Variants in WNT5A observed in about 807,000 individuals in gnomAD.
The protein encoded by WNT5A is protein Wnt-5a.
In WNT5A, 9 loss-of-function variants were observed where a neutral mutation model predicts 42.1. The ratio of observed to expected loss-of-function variants is 0.21; its 90% CI spans 0.13 to 0.37. WNT5A has a LOEUF of 0.37. WNT5A is among the 10% of genes least tolerant of loss of function. WNT5A has a pLI of 1.00. For synonymous variants in WNT5A, 210 were observed against 210.0 expected, an observed-to-expected ratio of 1.00 and a Z score of 0.00; for missense variants, 426 against 534.0, an observed-to-expected ratio of 0.80 and a Z score of 1.99.
rs1039347457 is a variant in WNT5A at position 55,466,934 on chromosome 3, C to G, written c.*3158G>C. 1 of 152,344 alleles carries G rather than the reference C, an allele frequency of 6.6e-6. No homozygotes were observed. Among genetic ancestry groups the G allele is most frequent in the African/African-American group, 2.4e-5 (1 of 41,420 alleles). The allele number at this position is 152,344 out of a possible 1,614,324, so 9.4% of individuals were successfully genotyped here. ...AGGTTTCAATATGTTACAAGGTTATCCGGAAAGAGAAAAAGCAAAGGCTAA... is the reference window on the plus strand; with the variant it reads ...AGGTTTCAATATGTTACAAGGTTATGCGGAAAGAGAAAAAGCAAAGGCTAA... On this transcript the variant is annotated 3_prime_UTR_variant, in exon 5 of 5. Coordinates refer to ENST00000264634, the MANE Select transcript of WNT5A (RefSeq NM_003392.7).
At chr3:55,497,624 G>C in the WNT5A span, 1 of 152,196 alleles carries the variant, frequency 6.6e-6, no homozygotes, top group Non-Finnish European at 1.5e-5. Context: ...TAATATCATT[G>C]AGCCTGACTG....
the WNT5A span, among the ~76,000 whole-genome samples, chr3:55,502,135 GA>G: frequency 6.6e-6 from 1 of 152,194 alleles, no homozygotes; most frequent in South Asian, 2.1e-4. Flanking sequence ...GACTCTTGGA[GA>G]AATTCTTCTC....
chr3:55,475,139 A>G (rs1009212514), intron 3 of WNT5A, among the ~76,000 whole-genome samples: 1 of 152,136 alleles, frequency 6.6e-6, no homozygotes, highest in African/African-American at 2.4e-5. Flanking sequence ...GCAGTGCTGG[A>G]TTGATTTTCT....
chr3:55,486,936 G>C, intron 1 of WNT5A, 44 bp downstream of exon 1: 1 of 1,507,894 alleles, frequency 6.6e-7, no homozygotes, highest in Non-Finnish European at 9.2e-7. Context: ...AACAGGGGGT[G>C]GGGGGAAGTA....
intron 4 of WNT5A, among the ~76,000 whole-genome samples, chr3:55,471,078 G>A (rs560305474): frequency 6.0e-4 from 92 of 152,282 alleles, no homozygotes; most frequent in African/African-American, 2.0e-3. Context: ...ATATCCAGCC[G>A]GTAAGTGCAG....
Position 55,479,483 on chromosome 3 carries a change from T to G in WNT5A, c.222A>C (p.Gly74=). ...ACAGTTTCTTCTGTCCTTGAGAAAG[T>G]CCTGCCAGTTGGCTGCAGAGAGGCT... is the stretch of plus-strand genomic sequence containing the variant. ...GAQPLCSQLA[G]LSQGQKKLCH... is the part of the protein sequence containing the mutation. Residue 74 remains glycine (G), a synonymous_variant, in exon 3 of 5, where the codon GGA becomes GGC. Transcript: ENST00000264634. The G allele has an allele frequency of 1.2e-6, 2 of 1,614,028 alleles. No homozygotes were observed. The highest frequency in any genetic ancestry group is 1.7e-5 in the Admixed American group (1 of 60,026).
chr3:55,484,571 C>T (rs1440563307), intron 1 of WNT5A, among the ~76,000 whole-genome samples: 1 of 152,156 alleles, frequency 6.6e-6, no homozygotes, highest in African/African-American at 2.4e-5. Flanking sequence ...ACACTGACAG[C>T]AGGTTCCAGG....
chr3:55,495,209 G>T (rs1486195302), upstream of WNT5A, among the ~76,000 whole-genome samples: 5 of 152,142 alleles, frequency 3.3e-5, no homozygotes, highest in African/African-American at 1.2e-4. Flanking sequence ...TCGAAAATTT[G>T]TAGTCTTAGC....
chr3:55,470,082 G>A lies in WNT5A; in HGVS notation c.*10C>T. ...TCCTGGGAGCGGGGCTGAGTGCTGG[G>A]TGGCACCCACTACTTGCACACAAAC... On this transcript the variant is annotated 3_prime_UTR_variant, in exon 5 of 5. Transcript: ENST00000264634. The A allele has an allele frequency of 6.2e-7, 1 of 1,613,996 alleles. No individual in the cohort carries two copies.
At chr3:55,502,339 A>C in the WNT5A span, among the ~76,000 whole-genome samples, 1 of 152,238 alleles carries the variant, frequency 6.6e-6, no homozygotes, top group Non-Finnish European at 1.5e-5. Context: ...CTAGCTTGCT[A>C]ATGCACAGAC....
At chr3:55,484,504 C>T (rs1483898409) in intron 1 of WNT5A, among the ~76,000 whole-genome samples, 4 of 152,132 alleles carry the variant, frequency 2.6e-5, no homozygotes, top group African/African-American at 7.2e-5. Context: ...ATAGAGAAGG[C>T]GGAGGTTACA....
intron 2 of WNT5A, 111 bp downstream of exon 2, chr3:55,480,674 G>T (rs1301030848): frequency 1.7e-6 from 2 of 1,149,596 alleles, no homozygotes; most frequent in Non-Finnish European, 1.2e-6. Flanking sequence ...CATATGTCTT[G>T]CAATAAATAC....
Position 55,468,656 on chromosome 3 carries a change from A to T in WNT5A, c.*1436T>A, listed in dbSNP as rs1051671717. On this transcript the variant is annotated 3_prime_UTR_variant, in exon 5 of 5. Transcript: ENST00000264634. The stretch of plus-strand genomic sequence containing the variant: ...TATTTATATTTATATATATGTATAT[A>T]TATATATATGTTATGTACAAAAGAC... The T allele has an allele frequency of 8.7e-5, 13 of 149,882 alleles. No individual in the cohort carries two copies. The highest frequency in any genetic ancestry group is 1.6e-4 in the Non-Finnish European group (11 of 67,540). 9.3% of individuals were successfully genotyped at this position (149,882 alleles called of 1,614,324 possible).
chr3:55,499,323 C>T, the WNT5A span, among the ~76,000 whole-genome samples: 2 of 152,064 alleles, frequency 1.3e-5, no homozygotes, highest in African/African-American at 2.4e-5. Flanking sequence ...GTAAAGCAAG[C>T]GGCTTGGGAG....
intron 1 of WNT5A, chr3:55,481,156 G>T: frequency 1.5e-6 from 1 of 664,318 alleles, no homozygotes; most frequent in Non-Finnish European, 2.1e-6. Flanking sequence ...GCACGCCAGC[G>T]ATTACAAACG....
chr3:55,501,253 T>A, the WNT5A span, among the ~76,000 whole-genome samples: 3 of 152,212 alleles, frequency 2.0e-5, no homozygotes, highest in Non-Finnish European at 4.4e-5. Context: ...TAAATGAGAT[T>A]TCTGCAGCTG....
chr3:55,495,141 T>C (rs1391561380), upstream of WNT5A, among the ~76,000 whole-genome samples: 1 of 152,254 alleles, frequency 6.6e-6, no homozygotes, highest in African/African-American at 2.4e-5. Context: ...CTAAATCAAC[T>C]AATTATTATA....
Position 55,468,515 on chromosome 3 carries a change from A to G in WNT5A, c.*1577T>C, listed in dbSNP as rs916768657. The G allele has an allele frequency of 6.6e-6, 1 of 152,166 alleles. No individual in the cohort carries two copies. The highest frequency in any genetic ancestry group is 1.5e-5 in the Non-Finnish European group (1 of 68,040). The allele number at this position is 152,166 out of a possible 1,614,324, so 9.4% of individuals were successfully genotyped here. A position where few individuals can be genotyped will look rare whatever the true frequency, so the allele number is the denominator to read the frequency against. ...CCACAGCCCAAGCTCAAGACTCAAA[A>G]AACTTTTGGAATAATCCCAACTGGA... is the stretch of plus-strand genomic sequence containing the variant. On this transcript the variant is annotated 3_prime_UTR_variant, in exon 5 of 5. Transcript: ENST00000264634.
chr3:55,489,323 ACT>A (rs985467113), upstream of WNT5A: 20 of 147,422 alleles, frequency 1.4e-4, no homozygotes, highest in Non-Finnish European at 2.3e-4. Context: ...ACACACACAC[ACT>A]ATTCAATTTT....
Sources: allele counts gnomAD v4.1 joint callset (sites outside exome capture counted in the v4.1 genomes callset), GRCh38; gene constraint gnomAD v4.1.1; transcripts MANE v1.5; gene names NCBI Gene and HGNC (gene_info 2026-07-23, HGNC 2026-07-21).